The following ACTN4 variants were observed in gnomAD, a reference collection of about 807,000 sequenced individuals.
ACTN4 encodes actinin alpha 4.
A neutral mutation model predicts 114.2 loss-of-function variants in ACTN4; 18 were observed. That is an observed-to-expected ratio of 0.16 (90% CI 0.11 to 0.23). The LOEUF (loss-of-function observed/expected upper bound fraction) is 0.23, where lower values mean the gene tolerates loss of function less well. Ranked by LOEUF, ACTN4 falls within the 10% of genes least tolerant of loss-of-function variation. The pLI is 1.00. For missense variants in ACTN4, 722 were observed against 1,262.9 expected, an observed-to-expected ratio of 0.57 and a Z score of 6.49; for synonymous variants, 515 against 506.3, an observed-to-expected ratio of 1.02 and a Z score of -0.23.
rs892290634 is a variant in ACTN4, at chr19:38,717,479, C to T, written c.1143+163C>T. 2.0e-5 allele frequency among the ~76,000 whole-genome samples: 3 copies of T among 152,166 alleles called. No individual in the cohort carries two copies. The highest frequency in any genetic ancestry group is 4.8e-5 in the African/African-American group (2 of 41,426). Reference sequence around the variant, plus strand: ...TGGTCGGGGAGGGGTGCACTTCACTCGGCATTGTGCTCCCCTTTGGCCCTC... The same window carrying T: ...TGGTCGGGGAGGGGTGCACTTCACTTGGCATTGTGCTCCCCTTTGGCCCTC... On this transcript the variant is annotated intron_variant, in intron 10 of 20. Transcript: ENST00000252699. The surrounding 1 kb of genome is among the most constrained non-coding windows in gnomAD (Gnocchi z 4.0).
chr19:38,674,002 G>C (rs990698522), intron 1 of ACTN4, among the ~76,000 whole-genome samples: 6 of 151,560 alleles, frequency 4.0e-5, no homozygotes, highest in Non-Finnish European at 5.9e-5. Context: ...GGCTGGTCTT[G>C]AACTCCTGAC....
Position 38,697,595 on chromosome 19 carries a change from T to G in ACTN4, c.163-3005T>G, listed in dbSNP as rs1476997354. On this transcript the variant is annotated intron_variant, in intron 1 of 20. Transcript: ENST00000252699. ...AGGTATTCAAACCCAAACCCAGGTC[T>G]GTGCCCCTGCAGAGCCTGCAGGAGC... Among the ~76,000 whole-genome samples the G allele has an allele frequency of 3.3e-5, 5 of 152,234 alleles. No individual in the cohort carries two copies. In the South Asian group the frequency reaches 8.3e-4, roughly 25 times the overall value.
chr19:38,723,875 C>A (rs1969133850), intron 13 of ACTN4, 62 bp from the exon 14 acceptor site: 1 of 1,588,296 alleles, frequency 6.3e-7, no homozygotes. Flanking sequence ...CTCCCCACCC[C>A]TCCTGCTCAC....
intron 8 of ACTN4, among the ~76,000 whole-genome samples, chr19:38,712,748 C>A (rs567074245): frequency 2.3e-4 from 35 of 152,286 alleles, no homozygotes; most frequent in African/African-American, 7.5e-4. Context: ...CCATTGGACT[C>A]ACCCCTACGG....
At chr19:38,648,138 T>A in intron 1 of ACTN4, 2 of 452,526 alleles carry the variant, frequency 4.4e-6, no homozygotes, top group South Asian at 8.8e-5. Flanking sequence ...AATATGGGAG[T>A]CAAATAAAAG....
At chr19:38,684,124 C>T (rs973466225) in intron 1 of ACTN4, 15 of 152,276 alleles carry the variant, frequency 9.9e-5, no homozygotes, top group Admixed American at 8.5e-4. Context: ...GGGTATATCC[C>T]CCAGCATTCA....
intron 1 of ACTN4, among the ~76,000 whole-genome samples, chr19:38,657,358 G>C (rs998794863): frequency 6.6e-6 from 1 of 152,154 alleles, no homozygotes; most frequent in Non-Finnish European, 1.5e-5. Flanking sequence ...GGCCAGGCTG[G>C]TCTTGAGCTC....
chr19:38,709,361 G>T lies in ACTN4; in HGVS notation c.652-34G>T, dbSNP rs58197765. ...TCCTGCTCCTGCACCCTGCCCTGACGGAGTTCTTGTTGTCCCCACTTGCCT... is the reference window on the plus strand; with the variant it reads ...TCCTGCTCCTGCACCCTGCCCTGACTGAGTTCTTGTTGTCCCCACTTGCCT... On this transcript the variant is annotated intron_variant, in intron 6 of 20. Transcript: ENST00000252699. 47,061 of 1,532,264 alleles carry T rather than the reference G, an allele frequency of 0.031. 1,386 individuals are homozygous for T. The highest frequency in any genetic ancestry group is 0.11 in the Admixed American group (6,644 of 59,858). The allele number at this position is 1,532,264 out of a possible 1,614,324, so 94.9% of individuals were successfully genotyped here.
At chr19:38,719,236 A>G (rs1169553404) in intron 11 of ACTN4, among the ~76,000 whole-genome samples, 1 of 150,892 alleles carries the variant, frequency 6.6e-6, no homozygotes, top group Non-Finnish European at 1.5e-5. Flanking sequence ...CACTCACAGG[A>G]CTCCTCTCCC....
At chr19:38,651,192 C>A (rs1177498474) in intron 1 of ACTN4, among the ~76,000 whole-genome samples, 1 of 152,130 alleles carries the variant, frequency 6.6e-6, no homozygotes, top group African/African-American at 2.4e-5. Context: ...AGCTGTAGGC[C>A]CTCAAAGTGG....
intron 1 of ACTN4, among the ~76,000 whole-genome samples, chr19:38,666,449 G>C (rs545559967): frequency 1.3e-5 from 2 of 152,262 alleles, no homozygotes; most frequent in East Asian, 3.9e-4. Context: ...CCCGGTTTGC[G>C]CTTTCCTGAT....
rs974574445 is a variant in ACTN4 at position 38,729,587 on chromosome 19, C to CCT, written c.*164_*165dup. On this transcript the variant is annotated 3_prime_UTR_variant, in exon 21 of 21. Coordinates refer to ENST00000252699, the MANE Select transcript of ACTN4 (RefSeq NM_004924.6). ...AGGGAGGGGCTGGGGCAGGCTCTCT[C>CCT]CTCTCTCTCTTTGTGGGTTGGCCAG... is the stretch of plus-strand genomic sequence containing the variant. 7.5e-6 allele frequency: 8 copies of CCT among 1,067,324 alleles called. No individual in the cohort carries two copies. The highest frequency in any genetic ancestry group is 2.7e-5 in the South Asian group (2 of 74,058). 66.1% of individuals were successfully genotyped at this position (1,067,324 alleles called of 1,614,324 possible).
intron 1 of ACTN4, among the ~76,000 whole-genome samples, chr19:38,655,275 G>T (rs1976680062): frequency 6.6e-6 from 1 of 152,166 alleles, no homozygotes; most frequent in Non-Finnish European, 1.5e-5. Flanking sequence ...GTTGTTTCCA[G>T]GTGGTTACCA....
chr19:38,680,479 CG>C, intron 1 of ACTN4, among the ~76,000 whole-genome samples: 1 of 152,178 alleles, frequency 6.6e-6, no homozygotes, highest in South Asian at 2.1e-4. Flanking sequence ...CCACTGCGCC[CG>C]GCCTCAGGAA....
rs1046014063 is a variant in ACTN4, at chr19:38,706,362, G to A, written c.572+231G>A. Among the ~76,000 whole-genome samples the A allele has an allele frequency of 4.6e-5, 7 of 152,160 alleles. No individual in the cohort carries two copies. The East Asian group carries it at 5.8e-4, about 13-fold the overall frequency. Reference sequence around the variant, plus strand: ...TGAAGGCAGTAAGGTCAGCCCTCTCGCCGGCCTAATAGAACGTTCTTCGTC... The same window carrying A: ...TGAAGGCAGTAAGGTCAGCCCTCTCACCGGCCTAATAGAACGTTCTTCGTC... On this transcript the variant is annotated intron_variant, in intron 5 of 20. Transcript: ENST00000252699.
chr19:38,718,496 A>G (rs1157318762), intron 11 of ACTN4, among the ~76,000 whole-genome samples: 1 of 151,912 alleles, frequency 6.6e-6, no homozygotes, highest in African/African-American at 2.4e-5. Flanking sequence ...TGATTGTACC[A>G]CTGCACTCCA....
chr19:38,704,861 C>T, intron 3 of ACTN4, 73 bp from the exon 4 acceptor site: 1 of 1,429,992 alleles, frequency 7.0e-7, no homozygotes, highest in Non-Finnish European at 9.9e-7. Context: ...GGAAGGCCAC[C>T]TTCAGGTTGG....
chr19:38,690,421 C>T (rs548735592), intron 1 of ACTN4, among the ~76,000 whole-genome samples: 57 of 152,214 alleles, frequency 3.7e-4, no homozygotes, highest in Non-Finnish European at 7.3e-4. Flanking sequence ...GCTCAGTGCT[C>T]GAGTTTGTCC....
Position 38,700,672 on chromosome 19 carries a change from C to A in ACTN4, c.235C>A (p.Arg79=). ...TQIENIDEDF[R]DGLKLMLLLE... is the part of the protein sequence containing the mutation. ...GATCGAGAACATTGATGAGGACTTCCGAGACGGGCTCAAGCTCATGCTGCT... is the reference window on the plus strand; with the variant it reads ...GATCGAGAACATTGATGAGGACTTCAGAGACGGGCTCAAGCTCATGCTGCT... Residue 79 remains arginine, a synonymous_variant, in exon 2 of 21, where the codon CGA becomes AGA. Transcript: ENST00000252699. 6.2e-7 allele frequency: 1 copy of A among 1,614,150 alleles called. No individual in the cohort carries two copies. The highest frequency in any genetic ancestry group is 8.5e-7 in the Non-Finnish European group (1 of 1,180,034).
Sources: gnomAD v4.1 joint callset for allele counts (sites outside exome capture counted in the v4.1 genomes callset) on GRCh38, gnomAD v4.1.1 for gene constraint, Gnocchi (gnomAD v3.1) non-coding constraint, MANE v1.5 for transcripts, NCBI Gene and HGNC (gene_info 2026-07-23, HGNC 2026-07-21) for gene names.